Variants in DEFB109B observed in about 807,000 individuals in gnomAD.
DEFB109B encodes the protein defensin beta 109B, also known as beta-defensin 109B.
At chr8:7,319,751 G>C (rs1176370461) in exon 2 of DEFB109B, 1 of 146,722 alleles carries the variant, frequency 6.8e-6, no homozygotes, top group Non-Finnish European at 1.5e-5. Flanking sequence ...TTCAGTAAGA[G>C]GTGGTTTGGG....
chr8:7,309,602 T>G (rs1444707453), upstream of DEFB109B, among the ~76,000 whole-genome samples: 5 of 147,988 alleles, frequency 3.4e-5, no homozygotes, highest in African/African-American at 1.3e-4. Context: ...AGCATGCCCT[T>G]CTGCATTGAG....
chr8:7,319,849 A>T (rs1398772237), exon 2 of DEFB109B: 2 of 81,722 alleles, frequency 2.4e-5, no homozygotes, highest in Non-Finnish European at 4.3e-5. Context: ...GTGCCTGCCG[A>T]AGAAGGATGA....
intron 1 of DEFB109B, among the ~76,000 whole-genome samples, chr8:7,315,583 A>C (rs1802864865): frequency 7.5e-6 from 1 of 133,600 alleles, no homozygotes; most frequent in East Asian, 2.1e-4. Flanking sequence ...TGAGTGAATG[A>C]GAGTGAGTGT....
chr8:7,319,261 G>C lies in DEFB109B; in HGVS notation n.59-485G>C, dbSNP rs190612913. 139 of 117,996 alleles carry C rather than the reference G, an allele frequency of 1.2e-3. 20 individuals are homozygous for C. The highest frequency in any genetic ancestry group is 6.3e-3 in the African/African-American group (137 of 21,644). 7.3% of individuals were successfully genotyped at this position (117,996 alleles called of 1,614,324 possible). On this transcript the variant is annotated intron_variant and non_coding_transcript_variant, in intron 1 of 1. Transcript: ENST00000382656. ...AAAAAAAAAAAAAAAGAGAGAGAGAGAGAGAGAGTGAAAGAAAAAAAAAAT... is the reference window on the plus strand; with the variant it reads ...AAAAAAAAAAAAAAAGAGAGAGAGACAGAGAGAGTGAAAGAAAAAAAAAAT...
upstream of DEFB109B, among the ~76,000 whole-genome samples, chr8:7,312,317 T>C (rs1193052087): frequency 1.4e-5 from 2 of 139,274 alleles, no homozygotes; most frequent in Non-Finnish European, 3.0e-5. Context: ...AACAATTTGT[T>C]AAGAGGGTCG....
chr8:7,312,083 C>G (rs1321879667), upstream of DEFB109B, among the ~76,000 whole-genome samples: 2 of 99,944 alleles, frequency 2.0e-5, no homozygotes, highest in Non-Finnish European at 3.4e-5. Flanking sequence ...TAGTAGTTCC[C>G]TTTACTTGGG....
chr8:7,315,477 C>T (rs111889623), intron 1 of DEFB109B, among the ~76,000 whole-genome samples: 15 of 116,124 alleles, frequency 1.3e-4, no homozygotes, highest in East Asian at 2.2e-4. Context: ...CTAGCCTGGG[C>T]GACAGAGTGA....
At chr8:7,312,371 G>A (rs1327728803), upstream of DEFB109B, among the ~76,000 whole-genome samples, 18 of 137,642 alleles carry the variant, frequency 1.3e-4, 2 homozygotes, top group African/African-American at 2.8e-4. Context: ...ACAAAGGGAC[G>A]TAGGAAACAT....
intron 1 of DEFB109B, among the ~76,000 whole-genome samples, chr8:7,316,956 T>G (rs1802984208): frequency 8.0e-6 from 1 of 124,462 alleles, no homozygotes; most frequent in African/African-American, 4.3e-5. Context: ...TGCCCATTTT[T>G]TCTATCATCT....
At chr8:7,318,720 C>T (rs1327047969) in intron 1 of DEFB109B, 1 of 139,904 alleles carries the variant, frequency 7.1e-6, no homozygotes, top group Non-Finnish European at 1.5e-5. Context: ...TTCCACCAGA[C>T]TGTCACTTTA....
rs1183346283 is a variant in DEFB109B, at chr8:7,316,620, GGTTTT to G, written n.59-3110_59-3106del. 1.9e-4 allele frequency among the ~76,000 whole-genome samples: 25 copies of G among 128,658 alleles called. 3 individuals are homozygous for G. The highest frequency in any genetic ancestry group is 7.5e-4 in the African/African-American group (20 of 26,602). The allele number at this position is 128,658 out of a possible 152,430, so 84.4% of individuals were successfully genotyped here. A position where few individuals can be genotyped will look rare whatever the true frequency, so the allele number is the denominator to read the frequency against. ...ATTTTTTAATTTAGAACTGCATTTT[GGTTTT>G]GTTTTGTTTTGTTTTTTTGGAGACA... On this transcript the variant is annotated intron_variant and non_coding_transcript_variant, in intron 1 of 1. Coordinates refer to ENST00000382656, the Ensembl canonical transcript of DEFB109B.
upstream of DEFB109B, among the ~76,000 whole-genome samples, chr8:7,310,350 A>G (rs1161539378): frequency 7.7e-5 from 4 of 52,028 alleles, no homozygotes; most frequent in South Asian, 2.7e-3. Context: ...CCTACAATAC[A>G]GCACTTGCAT....
chr8:7,319,249 A>AAAGAG (rs1410387794), intron 1 of DEFB109B: 4 of 128,882 alleles, frequency 3.1e-5, no homozygotes, highest in African/African-American at 7.7e-5. Flanking sequence ...AAAAAAAAAA[A>AAAGAG]AGAGAGAGAG....
intron 1 of DEFB109B, chr8:7,318,589 A>T (rs1803089662): frequency 7.7e-6 from 1 of 130,072 alleles, no homozygotes; most frequent in Non-Finnish European, 1.5e-5. Flanking sequence ...TTTATTATTA[A>T]ATAAACATTA....
chr8:7,315,841 G>A (rs1802885050), intron 1 of DEFB109B, among the ~76,000 whole-genome samples: 2 of 142,850 alleles, frequency 1.4e-5, no homozygotes, highest in South Asian at 2.1e-4. Context: ...TGAAATCTAT[G>A]ATCTATAGAT....
At chr8:7,315,719 A>T (rs1366463044) in intron 1 of DEFB109B, among the ~76,000 whole-genome samples, 8 of 138,906 alleles carry the variant, frequency 5.8e-5, no homozygotes, top group Non-Finnish European at 9.0e-5. Flanking sequence ...TGCTGCTGCA[A>T]CTCAGGTACA....
At chr8:7,319,087 T>C (rs1049015341) in intron 1 of DEFB109B, 1 of 139,928 alleles carries the variant, frequency 7.1e-6, no homozygotes, top group Non-Finnish European at 1.5e-5. Context: ...AATGTCACTT[T>C]CGGGGAGCAG....
At chr8:7,312,107 C>A (rs1405555541), upstream of DEFB109B, among the ~76,000 whole-genome samples, 3 of 101,754 alleles carry the variant, frequency 2.9e-5, no homozygotes, top group African/African-American at 1.6e-4. Flanking sequence ...GGGGGGGGAA[C>A]AGATAGAAGA....
At chr8:7,316,804 T>C (rs534126561) in intron 1 of DEFB109B, among the ~76,000 whole-genome samples, 1 of 132,974 alleles carries the variant, frequency 7.5e-6, no homozygotes, top group African/African-American at 3.8e-5. Context: ...TATATATATA[T>C]ATATATACAT....
Sources: allele counts gnomAD v4.1 joint callset (sites outside exome capture counted in the v4.1 genomes callset), GRCh38; gene constraint gnomAD v4.1.1; transcripts MANE v1.5; gene names NCBI Gene and HGNC (gene_info 2026-07-23, HGNC 2026-07-21).